SH3GL3: variants seen among roughly 807,000 people sequenced by gnomAD.
SH3GL3 encodes the protein SH3 domain containing GRB2 like 3, endophilin A3.
Under a neutral mutation model 47.7 loss-of-function variants are expected in SH3GL3, and 33 were observed. The ratio of observed to expected loss-of-function variants is 0.69; its 90% CI spans 0.52 to 0.92. SH3GL3 has a LOEUF of 0.92. Among genes scored for constraint, SH3GL3 ranks in the 40% least tolerant of loss-of-function variants. SH3GL3 has a pLI of 0.00. For missense variants in SH3GL3, 363 were observed against 417.8 expected, an observed-to-expected ratio of 0.87 and a Z score of 1.14; for synonymous variants, 155 against 148.8, an observed-to-expected ratio of 1.04 and a Z score of -0.30.
In SH3GL3 at chr15:83,447,681, C is replaced by T; in HGVS notation, c.45+103C>T. ...CTCCTGTTCCCTGAAGGGCCTCTCT[C>T]GGGGCTCAATTTCTTCCCGCCTAGG... is the stretch of plus-strand genomic sequence containing the variant. On this transcript the variant is annotated intron_variant, in intron 1 of 8. Coordinates refer to ENST00000427482, the MANE Select transcript of SH3GL3 (RefSeq NM_003027.5). The surrounding 1 kb of genome is among the most constrained non-coding windows in gnomAD (Gnocchi z 5.1). 3 of 804,022 alleles carry T rather than the reference C, an allele frequency of 3.7e-6. No individual in the cohort carries two copies. The highest frequency in any genetic ancestry group is 5.5e-6 in the Non-Finnish European group (3 of 549,954). The allele number at this position is 804,022 out of a possible 1,614,324, so 49.8% of individuals were successfully genotyped here.
intron 8 of SH3GL3, among the ~76,000 whole-genome samples, chr15:83,614,948 C>T (rs555926357): frequency 3.3e-5 from 5 of 152,282 alleles, no homozygotes; most frequent in African/African-American, 1.2e-4. Context: ...TACCTATTCT[C>T]TTTACTTGGA....
intron 8 of SH3GL3, among the ~76,000 whole-genome samples, chr15:83,590,999 A>C (rs1447129519): frequency 6.6e-6 from 1 of 151,984 alleles, no homozygotes; most frequent in Non-Finnish European, 1.5e-5. Flanking sequence ...TAAATAATAA[A>C]TATTTTCTTT....
intron 1 of SH3GL3, among the ~76,000 whole-genome samples, chr15:83,505,949 T>A (rs934847258): frequency 1.3e-5 from 2 of 152,242 alleles, no homozygotes; most frequent in African/African-American, 4.8e-5. Context: ...TTTGTTGTTA[T>A]ATGCTATACA....
intron 1 of SH3GL3, among the ~76,000 whole-genome samples, chr15:83,481,601 A>G (rs2041360865): frequency 6.6e-6 from 1 of 152,218 alleles, no homozygotes; most frequent in East Asian, 1.9e-4. Flanking sequence ...AAAGGAAACA[A>G]TGCAATCTTT....
At chr15:83,450,804 A>AATTTTTTTTT in intron 1 of SH3GL3, among the ~76,000 whole-genome samples, 1 of 58,790 alleles carries the variant, frequency 1.7e-5, no homozygotes, top group Non-Finnish European at 2.9e-5. Context: ...TTTTTTTTTA[A>AATTTTTTTTT]TTTTTTTTTT....
intron 1 of SH3GL3, among the ~76,000 whole-genome samples, chr15:83,540,882 T>C (rs2044121621): frequency 6.6e-6 from 1 of 152,206 alleles, no homozygotes; most frequent in African/African-American, 2.4e-5. Flanking sequence ...TATCTCTTAT[T>C]CATTATATCT....
chr15:83,475,575 GT>G (rs1480677810), intron 1 of SH3GL3, among the ~76,000 whole-genome samples: 2 of 152,188 alleles, frequency 1.3e-5, no homozygotes, highest in African/African-American at 4.8e-5. Flanking sequence ...TCACATTGGT[GT>G]CACCAAGTGC....
At chr15:83,524,195 A>T (rs2043324912) in intron 1 of SH3GL3, among the ~76,000 whole-genome samples, 1 of 152,160 alleles carries the variant, frequency 6.6e-6, no homozygotes, top group African/African-American at 2.4e-5. Context: ...GTGTTGGTTG[A>T]ATCAGCCTTT....
At chr15:83,610,658 G>A (rs876785) in intron 8 of SH3GL3, among the ~76,000 whole-genome samples, 36,131 of 152,038 alleles carry the variant, frequency 0.24, 4,572 homozygotes, top group East Asian at 0.32. Flanking sequence ...TACCTGGCCC[G>A]AGGTCAAGTC....
At chr15:83,633,685 T>A in the SH3GL3 span, among the ~76,000 whole-genome samples, 1 of 152,236 alleles carries the variant, frequency 6.6e-6, no homozygotes, top group African/African-American at 2.4e-5. Flanking sequence ...TTCCTCTGTA[T>A]GCCATTCATG....
At chr15:83,471,463 C>T (rs908502155) in intron 1 of SH3GL3, among the ~76,000 whole-genome samples, 3 of 152,160 alleles carry the variant, frequency 2.0e-5, no homozygotes, top group African/African-American at 7.2e-5. Context: ...AACAAACAGC[C>T]AAGTTTCAGC....
chr15:83,555,082 A>G (rs2044876863), intron 1 of SH3GL3, among the ~76,000 whole-genome samples: 3 of 151,708 alleles, frequency 2.0e-5, no homozygotes, highest in Admixed American at 2.0e-4. Context: ...TGTTTATTTT[A>G]TGTTCTTTAA....
rs140265291 is a variant in SH3GL3 at position 83,524,301 on chromosome 15, G to C, written c.46-34952G>C. 7.5e-3 allele frequency among the ~76,000 whole-genome samples: 1,137 copies of C among 152,218 alleles called. 12 individuals are homozygous for C. Among genetic ancestry groups the C allele is most frequent in the African/African-American group, 0.026 (1,073 of 41,534 alleles). On this transcript the variant is annotated intron_variant, in intron 1 of 8. Coordinates refer to ENST00000427482, the MANE Select transcript of SH3GL3 (RefSeq NM_003027.5). ...TATTCTTAGTTGTGTTGTCATGAAG[G>C]ATGCATCTTCTCATTTTCAAAGTGA...
chr15:83,515,933 C>G (rs1262022480), intron 1 of SH3GL3, among the ~76,000 whole-genome samples: 1 of 152,134 alleles, frequency 6.6e-6, no homozygotes, highest in Admixed American at 6.5e-5. Context: ...TTGAAAGAAA[C>G]ATATACATCA....
intron 1 of SH3GL3, among the ~76,000 whole-genome samples, chr15:83,557,657 T>C (rs2151737707): frequency 6.6e-6 from 1 of 152,326 alleles, no homozygotes; most frequent in Middle Eastern, 3.4e-3. Flanking sequence ...TTGGTGGGTG[T>C]CTGGGCCACT....
chr15:83,524,330 C>A (rs2043329971), intron 1 of SH3GL3, among the ~76,000 whole-genome samples: 2 of 152,160 alleles, frequency 1.3e-5, no homozygotes, highest in African/African-American at 4.8e-5. Context: ...AAAGTGAAAT[C>A]AAATGGATCC....
At chr15:83,496,358 C>CAAAAAAAAA (rs57113409) in intron 1 of SH3GL3, among the ~76,000 whole-genome samples, 1 of 89,518 alleles carries the variant, frequency 1.1e-5, no homozygotes, top group Non-Finnish European at 2.2e-5. Flanking sequence ...GATTATGTCT[C>CAAAAAAAAA]AAAAAAAAAA....
intron 1 of SH3GL3, among the ~76,000 whole-genome samples, chr15:83,502,066 T>C (rs1405222997): frequency 6.6e-6 from 1 of 152,204 alleles, no homozygotes; most frequent in Non-Finnish European, 1.5e-5. Flanking sequence ...AGGAATAATA[T>C]AAAGTTTTAA....
intron 1 of SH3GL3, among the ~76,000 whole-genome samples, chr15:83,460,569 C>T (rs539717204): frequency 6.6e-6 from 1 of 152,052 alleles, no homozygotes; most frequent in Non-Finnish European, 1.5e-5. Context: ...GGAAACAGAA[C>T]TTTCATGTTT....
Sources: gnomAD v4.1 joint callset for allele counts (sites outside exome capture counted in the v4.1 genomes callset) on GRCh38, gnomAD v4.1.1 for gene constraint, Gnocchi (gnomAD v3.1) non-coding constraint, MANE v1.5 for transcripts, NCBI Gene and HGNC (gene_info 2026-07-23, HGNC 2026-07-21) for gene names.